ARHGAP10: variants seen among roughly 807,000 people sequenced by gnomAD.
ARHGAP10 encodes Rho GTPase activating protein 10, also known as rho GTPase-activating protein 10.
In ARHGAP10, 87 loss-of-function variants were observed where a neutral mutation model predicts 108.6. That is an observed-to-expected ratio of 0.80 (90% confidence interval 0.67 to 0.96). The LOEUF is 0.96. Ranked by LOEUF, ARHGAP10 falls within the 40% of genes least tolerant of loss-of-function variation. The probability of loss-of-function intolerance (pLI) is 0.00; values close to 1 mark genes in which losing one functional copy is unlikely to be tolerated. For synonymous variants in ARHGAP10, 347 were observed against 341.1 expected (o/e 1.02, Z -0.19); for missense variants, 939 against 954.5 (o/e 0.98, Z 0.21).
At chr4:147,750,149 T>C (rs1206927129) in intron 1 of ARHGAP10, among the ~76,000 whole-genome samples, 1 of 152,222 alleles carries the variant, frequency 6.6e-6, no homozygotes, top group East Asian at 1.9e-4. Flanking sequence ...AGCTTTAAAT[T>C]TGAAAGTGTA....
At chr4:147,943,051 A>G (rs1023892308) in intron 14 of ARHGAP10, among the ~76,000 whole-genome samples, 3 of 152,256 alleles carry the variant, frequency 2.0e-5, no homozygotes, top group African/African-American at 7.2e-5. Context: ...TAGGTGAGTC[A>G]TGGTTTTTTA....
At chr4:147,992,340 C>G (rs138150162) in intron 18 of ARHGAP10, among the ~76,000 whole-genome samples, 277 of 152,258 alleles carry the variant, frequency 1.8e-3, no homozygotes, top group African/African-American at 6.0e-3. Flanking sequence ...CACTGACCAC[C>G]CCTCCCAGAT....
intron 19 of ARHGAP10, among the ~76,000 whole-genome samples, chr4:148,044,615 C>T (rs1408590666): frequency 6.6e-6 from 1 of 152,140 alleles, no homozygotes; most frequent in Non-Finnish European, 1.5e-5. Context: ...TTCTGGGGTT[C>T]CATTTGAGAT....
intron 13 of ARHGAP10, among the ~76,000 whole-genome samples, chr4:147,923,262 A>G (rs1397896421): frequency 6.6e-6 from 1 of 152,226 alleles, no homozygotes; most frequent in East Asian, 1.9e-4. Context: ...TTATAGTTTC[A>G]GAGATTGGAG....
At chr4:147,821,264 C>G (rs1054718439) in intron 1 of ARHGAP10, among the ~76,000 whole-genome samples, 1 of 152,168 alleles carries the variant, frequency 6.6e-6, no homozygotes, top group Non-Finnish European at 1.5e-5. Flanking sequence ...CTATTGGCTA[C>G]AAGACTAGCC....
intron 17 of ARHGAP10, among the ~76,000 whole-genome samples, chr4:147,966,445 T>C (rs967041742): frequency 1.3e-5 from 2 of 152,146 alleles, no homozygotes; most frequent in African/African-American, 2.4e-5. Flanking sequence ...GTGCATGGAA[T>C]TATTAAGAAA....
chr4:147,913,070 G>T lies in ARHGAP10; in HGVS notation c.1163-4G>T, dbSNP rs773024489. On this transcript the variant is annotated splice_region_variant and splice_polypyrimidine_tract_variant and intron_variant, in intron 12 of 22. Transcript: ENST00000336498. Reference sequence around the variant, plus strand: ...CACTTAATGTTTTAAACTGTTTCTTGTAGATGCACAGTTGGATAAGATGGG... The same window carrying T: ...CACTTAATGTTTTAAACTGTTTCTTTTAGATGCACAGTTGGATAAGATGGG... The T allele has an allele frequency of 1.2e-6, 2 of 1,611,884 alleles. No homozygotes were observed. The highest frequency in any genetic ancestry group is 1.1e-5 in the South Asian group (1 of 90,990).
At chr4:147,912,579 A>AGG (rs1736797802) in intron 12 of ARHGAP10, among the ~76,000 whole-genome samples, 3 of 124,246 alleles carry the variant, frequency 2.4e-5, no homozygotes, top group South Asian at 4.7e-4. Flanking sequence ...ATATATATAT[A>AGG]TATATATATA....
At chr4:147,944,206 A>G (rs993075316) in intron 14 of ARHGAP10, among the ~76,000 whole-genome samples, 4 of 152,242 alleles carry the variant, frequency 2.6e-5, no homozygotes, top group Non-Finnish European at 5.9e-5. Flanking sequence ...TCCTAGTTAT[A>G]AAGGATTGCA....
At chr4:147,836,780 A>G (rs1000302103) in intron 3 of ARHGAP10, among the ~76,000 whole-genome samples, 3 of 152,202 alleles carry the variant, frequency 2.0e-5, no homozygotes, top group African/African-American at 7.2e-5. Context: ...GCTTGAAAAT[A>G]AAATACCATA....
Position 147,857,521 on chromosome 4 carries a change from C to T in ARHGAP10, c.385-32C>T, listed in dbSNP as rs376300493. On this transcript the variant is annotated intron_variant, in intron 4 of 22. Transcript: ENST00000336498. ...ATTAACCATGTGTATCCTTTTGTTTCTGTTTAATCATAGTTTTTTTTTTAT... is the reference window on the plus strand; with the variant it reads ...ATTAACCATGTGTATCCTTTTGTTTTTGTTTAATCATAGTTTTTTTTTTAT... 1,764 of 1,405,548 alleles carry T rather than the reference C, an allele frequency of 1.3e-3. 1 individual carries two copies. Among genetic ancestry groups the T allele is most frequent in the Non-Finnish European group, 1.6e-3 (1,682 of 1,071,392 alleles). 87.1% of individuals were successfully genotyped at this position (1,405,548 alleles called of 1,614,324 possible). A position where few individuals can be genotyped will look rare whatever the true frequency, so the allele number is the denominator to read the frequency against.
intron 10 of ARHGAP10, among the ~76,000 whole-genome samples, chr4:147,905,002 A>AT (rs1736418346): frequency 6.6e-6 from 1 of 151,942 alleles, no homozygotes; most frequent in African/African-American, 2.4e-5. Flanking sequence ...GCATTTTTTC[A>AT]TGTGTTTTTT....
chr4:148,069,701 C>T (rs1235414507), intron 22 of ARHGAP10, among the ~76,000 whole-genome samples: 1 of 152,172 alleles, frequency 6.6e-6, no homozygotes, highest in Non-Finnish European at 1.5e-5. Flanking sequence ...GTGCTAGTAA[C>T]CCCGTATTGC....
chr4:147,810,923 G>A (rs1731992420), intron 1 of ARHGAP10, among the ~76,000 whole-genome samples: 1 of 152,216 alleles, frequency 6.6e-6, no homozygotes, highest in African/African-American at 2.4e-5. Context: ...GGTTATGGCA[G>A]TGAACAAAAT....
At chr4:147,815,472 C>CG (rs1732197992) in intron 1 of ARHGAP10, among the ~76,000 whole-genome samples, 1 of 150,688 alleles carries the variant, frequency 6.6e-6, no homozygotes, top group African/African-American at 2.4e-5. Flanking sequence ...TGGCCGGAGG[C>CG]GGGGGGCGGG....
At chr4:147,750,396 G>A (rs1729091937) in intron 1 of ARHGAP10, among the ~76,000 whole-genome samples, 1 of 152,064 alleles carries the variant, frequency 6.6e-6, no homozygotes, top group African/African-American at 2.4e-5. Context: ...AGAATGGAAC[G>A]GGATTAATAC....
rs369375864 is a variant in ARHGAP10, at chr4:147,992,657, C to T, written c.1716+25818C>T. 6.0e-4 allele frequency among the ~76,000 whole-genome samples: 91 copies of T among 152,208 alleles called. 1 individual carries two copies. In the South Asian group the frequency reaches 0.016, roughly 26 times the overall value. On this transcript the variant is annotated intron_variant, in intron 18 of 22. Transcript: ENST00000336498. ...CTGATCTCAGGTGATCCACCTGCCT[C>T]GGCCTCCCAGAGTGCTGGGATTACA...
intron 18 of ARHGAP10, among the ~76,000 whole-genome samples, chr4:148,012,458 G>C (rs529603854): frequency 3.1e-4 from 47 of 152,308 alleles, no homozygotes; most frequent in African/African-American, 1.1e-3. Context: ...CTGGTGCCTG[G>C]CACCAGTATG....
At chr4:147,898,867 TAAACC>T (rs146891902) in intron 10 of ARHGAP10, among the ~76,000 whole-genome samples, 1,526 of 152,322 alleles carry the variant, frequency 0.01, 23 homozygotes, top group African/African-American at 0.034. Context: ...CAAACACTTT[TAAACC>T]ACCAGATCTT....
Sources: allele counts gnomAD v4.1 joint callset (sites outside exome capture counted in the v4.1 genomes callset), GRCh38; gene constraint gnomAD v4.1.1; transcripts MANE v1.5; gene names NCBI Gene and HGNC (gene_info 2026-07-23, HGNC 2026-07-21).